Variants in SUCLG2 observed in about 807,000 individuals in gnomAD.
SUCLG2 encodes succinate-CoA ligase GDP-forming subunit beta, also known as succinate--CoA ligase [GDP-forming] subunit beta, mitochondrial.
In SUCLG2, 42 loss-of-function variants were observed where a neutral mutation model predicts 47.9. That is an observed-to-expected ratio of 0.88 (90% CI 0.69 to 1.14). The LOEUF (loss-of-function observed/expected upper bound fraction) is 1.14, where lower values mean the gene tolerates loss of function less well. Ranked by LOEUF, SUCLG2 falls within the 50% of genes most tolerant of loss-of-function variation. SUCLG2 has a pLI of 0.00. For missense variants in SUCLG2, 571 were observed against 525.9 expected (o/e 1.09, Z -0.84); for synonymous variants, 195 against 197.3 (o/e 0.99, Z 0.10).
At chr3:67,521,450 T>C (rs1441498335) in intron 4 of SUCLG2, among the ~76,000 whole-genome samples, 1 of 152,226 alleles carries the variant, frequency 6.6e-6, no homozygotes, top group Non-Finnish European at 1.5e-5. Flanking sequence ...CCTTTTGCTC[T>C]GTAGGACTTG....
chr3:67,450,390 G>A (rs918379322), intron 9 of SUCLG2, among the ~76,000 whole-genome samples: 3 of 152,164 alleles, frequency 2.0e-5, no homozygotes, highest in Non-Finnish European at 4.4e-5. Context: ...GGCTGCCAGT[G>A]GCTCTGAGCC....
At chr3:67,630,573 T>C (rs573182358) in intron 1 of SUCLG2, among the ~76,000 whole-genome samples, 4 of 152,350 alleles carry the variant, frequency 2.6e-5, no homozygotes, top group African/African-American at 9.6e-5. Context: ...AAGCACCTTA[T>C]GTATAAAGAT....
chr3:67,582,744 G>A (rs1707913247), intron 2 of SUCLG2, among the ~76,000 whole-genome samples: 1 of 151,920 alleles, frequency 6.6e-6, no homozygotes, highest in East Asian at 1.9e-4. Flanking sequence ...CAGTGTATAA[G>A]TGTTCCCCTC....
chr3:67,384,709 C>G (rs2106776404), intron 10 of SUCLG2, among the ~76,000 whole-genome samples: 1 of 152,324 alleles, frequency 6.6e-6, no homozygotes, highest in East Asian at 1.9e-4. Flanking sequence ...CCTATGGTCT[C>G]TTTGAATTGA....
chr3:67,381,902 G>A (rs1269741625), intron 10 of SUCLG2, among the ~76,000 whole-genome samples: 2 of 152,122 alleles, frequency 1.3e-5, no homozygotes, highest in Non-Finnish European at 2.9e-5. Flanking sequence ...AAGATGCAAG[G>A]TTAATTTATC....
At chr3:67,565,710 T>C (rs757665292) in intron 2 of SUCLG2, among the ~76,000 whole-genome samples, 4 of 152,210 alleles carry the variant, frequency 2.6e-5, no homozygotes, top group Non-Finnish European at 5.9e-5. Context: ...CTCCATAACC[T>C]GTGAGCTCCT....
intron 9 of SUCLG2, among the ~76,000 whole-genome samples, chr3:67,481,115 A>T (rs1221698660): frequency 6.6e-6 from 1 of 152,224 alleles, no homozygotes; most frequent in East Asian, 1.9e-4. Flanking sequence ...ATAATTCCCT[A>T]ACTCATTGAC....
intron 10 of SUCLG2, among the ~76,000 whole-genome samples, chr3:67,367,886 A>G (rs1701896793): frequency 1.3e-5 from 2 of 152,318 alleles, no homozygotes; most frequent in South Asian, 4.1e-4. Flanking sequence ...AAGATATTTT[A>G]TATATGGAAT....
chr3:67,609,445 A>G lies in SUCLG2; in HGVS notation c.226+10T>C. 6.2e-7 allele frequency: 1 copy of G among 1,608,668 alleles called. No homozygotes were observed. The highest frequency in any genetic ancestry group is 1.1e-5 in the South Asian group (1 of 90,438). On this transcript the variant is annotated intron_variant, in intron 2 of 10. Coordinates refer to ENST00000307227, the MANE Select transcript of SUCLG2 (RefSeq NM_003848.4). ...GGCAAGTGTATTTCACCCATTATGA[A>G]TCAGCTTACTTAGTCTCTTAGCAGC...
chr3:67,588,417 G>A (rs1708079412), intron 2 of SUCLG2, among the ~76,000 whole-genome samples: 1 of 152,096 alleles, frequency 6.6e-6, no homozygotes, highest in Non-Finnish European at 1.5e-5. Flanking sequence ...CACCCCAACT[G>A]TTTCTTCCTG....
At chr3:67,509,115 T>C (rs1430931888) in intron 6 of SUCLG2, among the ~76,000 whole-genome samples, 1 of 152,238 alleles carries the variant, frequency 6.6e-6, no homozygotes, top group Non-Finnish European at 1.5e-5. Context: ...GAAGAGACCA[T>C]TATCAAGAAA....
chr3:67,450,966 G>C (rs975874917), intron 9 of SUCLG2, among the ~76,000 whole-genome samples: 1 of 152,100 alleles, frequency 6.6e-6, no homozygotes, highest in Non-Finnish European at 1.5e-5. Flanking sequence ...TTTATTGAGC[G>C]CTTACTCTGT....
chr3:67,522,313 G>A (rs956658715), intron 4 of SUCLG2, among the ~76,000 whole-genome samples: 1 of 151,966 alleles, frequency 6.6e-6, no homozygotes, highest in African/African-American at 2.4e-5. Flanking sequence ...CCAAAGTGTT[G>A]GGATTACAGG....
At chr3:67,463,993 T>C (rs763862408) in intron 9 of SUCLG2, among the ~76,000 whole-genome samples, 9 of 152,052 alleles carry the variant, frequency 5.9e-5, no homozygotes, top group Admixed American at 4.6e-4. Flanking sequence ...TGTTTAGGAG[T>C]TGGAGGGCCA....
In SUCLG2 at chr3:67,510,817, G is replaced by A. The variant is rs967328797; in HGVS notation, c.661-1914C>T. Among the ~76,000 whole-genome samples the A allele has an allele frequency of 2.0e-5, 3 of 151,582 alleles. No homozygotes were observed. The East Asian group carries it at 5.8e-4, about 29-fold the overall frequency. On this transcript the variant is annotated intron_variant, in intron 6 of 10. Transcript: ENST00000307227. The stretch of plus-strand genomic sequence containing the variant: ...ACATACATGTGATTAAACATTTGTA[G>A]GATAAATTACCCAGAGTGAAGCAAA...
intron 2 of SUCLG2, among the ~76,000 whole-genome samples, chr3:67,601,713 A>G (rs1389722720): frequency 6.6e-6 from 1 of 152,112 alleles, no homozygotes; most frequent in African/African-American, 2.4e-5. Flanking sequence ...AATCTTCCCA[A>G]CTTGGCCTCC....
At chr3:67,420,465 A>G (rs1397228066) in intron 9 of SUCLG2, among the ~76,000 whole-genome samples, 1 of 152,242 alleles carries the variant, frequency 6.6e-6, no homozygotes, top group Admixed American at 6.5e-5. Context: ...AATGAAAAAC[A>G]AAGTAGTAGG....
At chr3:67,547,177 C>T (rs1417856268) in intron 2 of SUCLG2, among the ~76,000 whole-genome samples, 1 of 152,162 alleles carries the variant, frequency 6.6e-6, no homozygotes, top group Non-Finnish European at 1.5e-5. Context: ...AGAGTTCCCT[C>T]ATCCCTTCTA....
At position 67,654,558 on chromosome 3, in the gene SUCLG2, C is replaced by T. The variant is rs776893089; in HGVS notation, c.29G>A (p.Gly10Glu). Residue 10 changes from glycine (G) to glutamate (E), a missense_variant, in exon 1 of 11, where the codon GGG becomes GAG. Transcript: ENST00000307227. ...CAGCGCTAGGGCTCGCAGAAGCTTC[C>T]CGGCCTGCGCTGCTACGGGGGACGC... MASPVAAQAGKLLRALALRP... is the reference protein window; with the variant it reads MASPVAAQAEKLLRALALRP... 1 of 1,272,438 alleles carries T rather than the reference C, an allele frequency of 7.9e-7. No homozygotes were observed. Among genetic ancestry groups the T allele is most frequent in the Non-Finnish European group, 9.9e-7 (1 of 1,006,622 alleles). The allele number at this position is 1,272,438 out of a possible 1,614,324, so 78.8% of individuals were successfully genotyped here. A position where few individuals can be genotyped will look rare whatever the true frequency, so the allele number is the denominator to read the frequency against.
Sources: gnomAD v4.1 joint callset for allele counts (sites outside exome capture counted in the v4.1 genomes callset) on GRCh38, gnomAD v4.1.1 for gene constraint, MANE v1.5 for transcripts, NCBI Gene and HGNC (gene_info 2026-07-23, HGNC 2026-07-21) for gene names.